The following SYMPK variants were observed in gnomAD, a reference collection of about 807,000 sequenced individuals.
SYMPK encodes symplekin.
SYMPK carries 49 observed loss-of-function variants against 136.4 expected under a neutral mutation model. That is an observed-to-expected ratio of 0.36 (90% CI 0.29 to 0.46). The LOEUF (loss-of-function observed/expected upper bound fraction) is 0.46, where lower values mean the gene tolerates loss of function less well. Ranked by LOEUF, SYMPK falls within the 20% of genes least tolerant of loss-of-function variation. The pLI is 1.00. For synonymous variants in SYMPK, 766 were observed against 713.0 expected, an observed-to-expected ratio of 1.07 and a Z score of -1.19; for missense variants, 1,365 against 1,690.0, an observed-to-expected ratio of 0.81 and a Z score of 3.37.
At chr19:45,832,483 A>G (rs1971204901) in intron 11 of SYMPK, among the ~76,000 whole-genome samples, 1 of 152,030 alleles carries the variant, frequency 6.6e-6, no homozygotes, top group Non-Finnish European at 1.5e-5. Flanking sequence ...CTATGACCCA[A>G]CGGTTCCACT....
chr19:45,837,795 A>G (rs1372148598), intron 10 of SYMPK, among the ~76,000 whole-genome samples: 1 of 151,862 alleles, frequency 6.6e-6, no homozygotes, highest in African/African-American at 2.4e-5. Flanking sequence ...GGTGGAAAAG[A>G]GGGCAAGGAT....
rs377091782 is a variant in SYMPK, at chr19:45,829,506, C to T, written c.1750-301G>A. On this transcript the variant is annotated intron_variant, in intron 13 of 26. Transcript: ENST00000245934. ...ATTCCCCTCATTTGTGCCTTTGTCA[C>T]CTTTGAAGAGAGGGATGGGGTGCAG... Among the ~76,000 whole-genome samples the T allele has an allele frequency of 5.3e-4, 80 of 152,162 alleles. No homozygotes were observed. In the South Asian group the frequency reaches 0.016, roughly 30 times the overall value.
At chr19:45,831,351 C>T in intron 12 of SYMPK, 33 bp downstream of exon 12, 1 of 1,479,626 alleles carries the variant, frequency 6.8e-7, no homozygotes, top group Non-Finnish European at 9.0e-7. Flanking sequence ...GGTAGGGCTC[C>T]TGTCCTGCCC....
rs751479569 is a variant in SYMPK, at chr19:45,826,326, C to T, written c.2229G>A (p.Glu743=). The T allele has an allele frequency of 7.4e-6, 12 of 1,614,168 alleles. No homozygotes were observed. The Middle Eastern group carries it at 4.9e-4, about 67-fold the overall frequency. Residue 743 remains glutamate (E), a synonymous_variant, in exon 17 of 27, where the codon GAG becomes GAA. Transcript: ENST00000245934. ...ATTTCTCCACATACTCCCGCAGCTG[C>T]TCCTTCTCATACATGCGTTTGATGA... ...LLFIKRMYEK[E]QLREYVEKFA...
chr19:45,854,815 G>A, intron 1 of SYMPK: 1 of 388,842 alleles, frequency 2.6e-6, no homozygotes, highest in Non-Finnish European at 4.9e-6. Context: ...CCACCTTGCA[G>A]GTCTCCGTGT....
At chr19:45,834,143 C>A (rs1415492059) in intron 11 of SYMPK, among the ~76,000 whole-genome samples, 1 of 152,160 alleles carries the variant, frequency 6.6e-6, no homozygotes, top group Non-Finnish European at 1.5e-5. Flanking sequence ...AAAAAATTAG[C>A]CGGGCGTGGT....
chr19:45,828,787 C>T lies in SYMPK; in HGVS notation c.1985+183G>A, dbSNP rs754624934. On this transcript the variant is annotated intron_variant, in intron 14 of 26. Coordinates refer to ENST00000245934, the MANE Select transcript of SYMPK (RefSeq NM_004819.3). Reference sequence around the variant, plus strand: ...CTCAGGGAGTGCGACCTGGAGCCCACATGCAAAACTACAACCTTGAACGTG... The same window carrying T: ...CTCAGGGAGTGCGACCTGGAGCCCATATGCAAAACTACAACCTTGAACGTG... The T allele has an allele frequency of 9.7e-6, 6 of 617,684 alleles. No individual in the cohort carries two copies. In the East Asian group the frequency reaches 1.7e-4, roughly 17 times the overall value. 38.3% of individuals were successfully genotyped at this position (617,684 alleles called of 1,614,324 possible).
intron 13 of SYMPK, among the ~76,000 whole-genome samples, chr19:45,829,740 G>C (rs910467638): frequency 6.6e-6 from 1 of 152,216 alleles, no homozygotes; most frequent in Non-Finnish European, 1.5e-5. Context: ...AATAGTAACA[G>C]TAAGAACGTT....
intron 1 of SYMPK, among the ~76,000 whole-genome samples, chr19:45,860,113 C>G (rs1340746518): frequency 2.0e-5 from 3 of 150,274 alleles, no homozygotes; most frequent in Non-Finnish European, 3.0e-5. Context: ...GAGCATGAAC[C>G]TGATGAACCT....
intron 12 of SYMPK, chr19:45,830,418 G>C: frequency 1.8e-6 from 1 of 561,454 alleles, no homozygotes; most frequent in Non-Finnish European, 3.2e-6. Context: ...GGCGTCTTAC[G>C]GAAGGCTTCT....
intron 21 of SYMPK, among the ~76,000 whole-genome samples, chr19:45,822,030 C>T (rs1470514259): frequency 6.6e-6 from 1 of 151,906 alleles, no homozygotes; most frequent in Non-Finnish European, 1.5e-5. Flanking sequence ...GTGGAACAGA[C>T]ATCCTCCATT....
chr19:45,823,640 C>T (rs1326586266), intron 19 of SYMPK, 127 bp downstream of exon 19: 3 of 989,280 alleles, frequency 3.0e-6, no homozygotes, highest in East Asian at 2.6e-5. Context: ...GAAACTGAGG[C>T]CCTAGGACAG....
At chr19:45,856,450 A>G (rs537456334) in intron 1 of SYMPK, among the ~76,000 whole-genome samples, 1 of 152,266 alleles carries the variant, frequency 6.6e-6, no homozygotes, top group South Asian at 2.1e-4. Flanking sequence ...GTATGTGTTT[A>G]TGTATACGCA....
chr19:45,834,992 C>G (rs750652963), intron 11 of SYMPK, 86 bp downstream of exon 11: 3 of 1,302,000 alleles, frequency 2.3e-6, no homozygotes, highest in Non-Finnish European at 3.1e-6. Context: ...TTCAACTGCA[C>G]CACGAGAAGT....
At chr19:45,824,175 G>A (rs1382416417) in intron 18 of SYMPK, 8 of 315,092 alleles carry the variant, frequency 2.5e-5, no homozygotes, top group Admixed American at 4.6e-5. Flanking sequence ...CCTGTGCTTC[G>A]TTCACTGGTG....
At position 45,815,536 on chromosome 19, in the gene SYMPK, A is replaced by T; in HGVS notation, c.*24T>A. 1.4e-6 allele frequency: 1 copy of T among 720,172 alleles called. No homozygotes were observed. The allele number at this position is 720,172 out of a possible 1,614,324, so 44.6% of individuals were successfully genotyped here. A position where few individuals can be genotyped will look rare whatever the true frequency, so the allele number is the denominator to read the frequency against. On this transcript the variant is annotated 3_prime_UTR_variant, in exon 27 of 27. Coordinates refer to ENST00000245934, the MANE Select transcript of SYMPK (RefSeq NM_004819.3). ...TCCCCCAGCCCCGAGTCCCTGTCCC[A>T]CCCCCTTTCCCCCTCGAGCCCCGTC...
chr19:45,852,564 G>A, intron 3 of SYMPK, 29 bp from the exon 4 acceptor site: 5 of 1,613,854 alleles, frequency 3.1e-6, no homozygotes, highest in African/African-American at 1.3e-5. Flanking sequence ...TGGGGAGGAG[G>A]AATACCCATA....
chr19:45,821,475 G>C lies in SYMPK; in HGVS notation c.2802C>G (p.Asn934Lys). Reference protein sequence around the residue: ...RLLGTQHGEGNSALSPLNPGE... With the variant: ...RLLGTQHGEGKSALSPLNPGE... ...CAGGGTTCAGCGGGGACAAGGCTGA[G>C]TTTCCCTCACCTGCAGCAGGCGGGA... is the stretch of plus-strand genomic sequence containing the variant. Residue 934 changes from asparagine (N) to lysine (K), a missense_variant, in exon 22 of 27, where the codon AAC becomes AAG. Physicochemically the swap from Asn to Lys is moderately conservative, Grantham distance 94 (BLOSUM62 0). This residue lies in a region of SYMPK where 156 missense variants were observed against 217.8 expected (regional missense o/e 0.72). Coordinates refer to ENST00000245934, the MANE Select transcript of SYMPK (RefSeq NM_004819.3). The surrounding 1 kb of genome is among the most constrained non-coding windows in gnomAD (Gnocchi z 4.4). The C allele has an allele frequency of 1.2e-6, 2 of 1,613,464 alleles. No individual in the cohort carries two copies. The highest frequency in any genetic ancestry group is 1.7e-6 in the Non-Finnish European group (2 of 1,179,482).
chr19:45,815,718 G>C (rs1284135468), intron 26 of SYMPK, 21 bp from the exon 27 acceptor site: 4 of 1,606,470 alleles, frequency 2.5e-6, no homozygotes, highest in South Asian at 2.2e-5. Context: ...GGGAAGGAAA[G>C]GGCAGCCGGG....
Sources: gnomAD v4.1 joint callset for allele counts (sites outside exome capture counted in the v4.1 genomes callset) on GRCh38, gnomAD v4.1.1 for gene constraint, gnomAD v4.1.1 regional missense constraint, Gnocchi (gnomAD v3.1) non-coding constraint, MANE v1.5 for transcripts, NCBI Gene and HGNC (gene_info 2026-07-23, HGNC 2026-07-21) for gene names.